EHMT1: variants seen among roughly 807,000 people sequenced by gnomAD.
The protein encoded by EHMT1 is euchromatic histone lysine methyltransferase 1, also known as histone-lysine N-methyltransferase EHMT1.
In EHMT1, 15 loss-of-function variants were observed where a neutral mutation model predicts 147.2. The observed-to-expected ratio is 0.10, with a 90% confidence interval of 0.07 to 0.16. The LOEUF is 0.16. Ranked by LOEUF, EHMT1 falls within the 10% of genes least tolerant of loss-of-function variation. EHMT1 has a pLI of 1.00. For missense variants in EHMT1, 1,587 were observed against 1,772.4 expected, an observed-to-expected ratio of 0.90 and a Z score of 1.88; for synonymous variants, 795 against 709.6, an observed-to-expected ratio of 1.12 and a Z score of -1.91.
intron 4 of EHMT1, among the ~76,000 whole-genome samples, chr9:137,733,821 G>A (rs1156464666): frequency 2.0e-5 from 3 of 152,186 alleles, no homozygotes; most frequent in Non-Finnish European, 4.4e-5. Context: ...AGAAGCAACT[G>A]TGTATATGGG....
intron 1 of EHMT1, among the ~76,000 whole-genome samples, chr9:137,640,817 G>A (rs1214485364): frequency 6.6e-6 from 1 of 152,194 alleles, no homozygotes; most frequent in African/African-American, 2.4e-5. Context: ...AAGAGGTAGA[G>A]ATTCTTTTCA....
chr9:137,780,601 G>GGC (rs1951356712), intron 14 of EHMT1, among the ~76,000 whole-genome samples: 9 of 143,446 alleles, frequency 6.3e-5, no homozygotes, highest in African/African-American at 2.4e-4. Context: ...GTGTGGTGAT[G>GGC]ACGCTGGGAT....
chr9:137,777,156 G>A (rs535543496), intron 12 of EHMT1: 1 of 373,694 alleles, frequency 2.7e-6, no homozygotes, highest in East Asian at 6.1e-5. Context: ...CGATAGACGA[G>A]TGGTGGCTGC....
intron 18 of EHMT1, among the ~76,000 whole-genome samples, chr9:137,810,146 T>G (rs55843443): frequency 2.9e-5 from 2 of 67,902 alleles, no homozygotes; most frequent in East Asian, 6.2e-4. Context: ...ATGCTGCCCC[T>G]CGTGGACTGT....
rs559103976 is a variant in EHMT1 at position 137,800,145 on chromosome 9, G to A, written c.2608-735G>A. Among the ~76,000 whole-genome samples, 4 of 152,330 alleles carry A rather than the reference G, an allele frequency of 2.6e-5. No homozygotes were observed. The East Asian group carries it at 5.8e-4, about 22-fold the overall frequency. On this transcript the variant is annotated intron_variant, in intron 17 of 26. Transcript: ENST00000460843. ...CATTGGGATGTGCAGGTCCTTTGAC[G>A]GGTGCTGGGGAAGAGGCTGAGTCTT...
intron 1 of EHMT1, among the ~76,000 whole-genome samples, chr9:137,663,765 G>A (rs1939332622): frequency 1.3e-5 from 2 of 152,070 alleles, no homozygotes; most frequent in Non-Finnish European, 2.9e-5. Context: ...CCCTTGTAGG[G>A]GAATAACAAT....
intron 4 of EHMT1, among the ~76,000 whole-genome samples, chr9:137,739,752 AG>A (rs1564668125): frequency 6.6e-6 from 1 of 152,222 alleles, no homozygotes; most frequent in Non-Finnish European, 1.5e-5. Flanking sequence ...CCCAGAGTGG[AG>A]GCCCTGCCTT....
At chr9:137,806,617 G>A (rs1281458023) in intron 18 of EHMT1, among the ~76,000 whole-genome samples, 2 of 151,762 alleles carry the variant, frequency 1.3e-5, no homozygotes, top group Admixed American at 6.6e-5. Context: ...TGTGTTTTTA[G>A]TAGAGATGGG....
chr9:137,824,065 C>T (rs1291792505), intron 25 of EHMT1, among the ~76,000 whole-genome samples: 1 of 150,954 alleles, frequency 6.6e-6, no homozygotes, highest in African/African-American at 2.5e-5. Context: ...CCATGTCTAT[C>T]CCAGGATTGT....
chr9:137,833,369 C>T (rs1956356640), intron 25 of EHMT1, among the ~76,000 whole-genome samples: 1 of 152,254 alleles, frequency 6.6e-6, no homozygotes, highest in African/African-American at 2.4e-5. Flanking sequence ...GCCACCCACT[C>T]GGCCCAGTGT....
chr9:137,717,850 G>T (rs1945502227), intron 3 of EHMT1, among the ~76,000 whole-genome samples: 1 of 152,188 alleles, frequency 6.6e-6, no homozygotes, highest in Non-Finnish European at 1.5e-5. Flanking sequence ...GAAGTGAATA[G>T]AAATGAACTT....
rs989019881 is a variant in EHMT1, at chr9:137,800,660, C to T, written c.2608-220C>T. On this transcript the variant is annotated intron_variant, in intron 17 of 26. Coordinates refer to ENST00000460843, the MANE Select transcript of EHMT1 (RefSeq NM_024757.5). Reference sequence around the variant, plus strand: ...GTCGGGCAGGGTTGTTGGGCCTGGGCCAGTCCTGGTTCTGCCTTCATCCTG... The same window carrying T: ...GTCGGGCAGGGTTGTTGGGCCTGGGTCAGTCCTGGTTCTGCCTTCATCCTG... 8.5e-6 allele frequency: 5 copies of T among 587,888 alleles called. No individual in the cohort carries two copies. The African/African-American group carries it at 9.3e-5, about 11-fold the overall frequency. The allele number at this position is 587,888 out of a possible 1,614,324, so 36.4% of individuals were successfully genotyped here. A position where few individuals can be genotyped will look rare whatever the true frequency, so the allele number is the denominator to read the frequency against.
Position 137,782,229 on chromosome 9 carries a change from A to G in EHMT1, c.2276-62A>G, listed in dbSNP as rs1008360695. ...GTGAGTGCTTGCCAGCCATCGTGAC[A>G]GTCCTGAGCTGGAGTCTGTGGCTAC... On this transcript the variant is annotated intron_variant, in intron 14 of 26. Coordinates refer to ENST00000460843, the MANE Select transcript of EHMT1 (RefSeq NM_024757.5). The surrounding 1 kb of genome is among the most constrained non-coding windows in gnomAD (Gnocchi z 5.7). 35 of 1,461,012 alleles carry G rather than the reference A, an allele frequency of 2.4e-5. No individual in the cohort carries two copies. Among genetic ancestry groups the G allele is most frequent in the Non-Finnish European group, 3.2e-5 (34 of 1,058,034 alleles). 90.5% of individuals were successfully genotyped at this position (1,461,012 alleles called of 1,614,324 possible). A position where few individuals can be genotyped will look rare whatever the true frequency, so the allele number is the denominator to read the frequency against.
intron 7 of EHMT1, 46 bp downstream of exon 7, chr9:137,752,454 A>T: frequency 6.3e-7 from 1 of 1,593,790 alleles, no homozygotes; most frequent in Non-Finnish European, 8.6e-7. Flanking sequence ...TGTAGAGGAG[A>T]TGCAAAGACA....
intron 10 of EHMT1, among the ~76,000 whole-genome samples, chr9:137,767,841 G>GT (rs1210239934): frequency 6.6e-6 from 1 of 152,104 alleles, no homozygotes; most frequent in Non-Finnish European, 1.5e-5. Flanking sequence ...AAATGCCTCA[G>GT]TGAACATTTC....
At chr9:137,749,918 C>T (rs145715913) in intron 6 of EHMT1, among the ~76,000 whole-genome samples, 324 of 152,330 alleles carry the variant, frequency 2.1e-3, no homozygotes, top group Middle Eastern at 3.4e-3. Context: ...TAGAACATTT[C>T]GATGGTCAGT....
intron 18 of EHMT1, among the ~76,000 whole-genome samples, chr9:137,806,311 T>G (rs1460753470): frequency 2.0e-5 from 3 of 152,030 alleles, no homozygotes; most frequent in African/African-American, 7.3e-5. Context: ...GCTCCTGCCA[T>G]CCCCATCCCT....
chr9:137,702,194 C>T (rs1016758237), intron 1 of EHMT1, among the ~76,000 whole-genome samples: 1 of 152,190 alleles, frequency 6.6e-6, no homozygotes, highest in Non-Finnish European at 1.5e-5. Context: ...TCCCAAAGTG[C>T]TGGGTCCTTC....
chr9:137,709,015 C>T (rs969999755), intron 1 of EHMT1, among the ~76,000 whole-genome samples: 2 of 152,206 alleles, frequency 1.3e-5, no homozygotes, highest in South Asian at 2.1e-4. Flanking sequence ...CACTCTCAGG[C>T]GAGCCCCCCA....
Sources: gnomAD v4.1 joint callset for allele counts (sites outside exome capture counted in the v4.1 genomes callset) on GRCh38, gnomAD v4.1.1 for gene constraint, Gnocchi (gnomAD v3.1) non-coding constraint, MANE v1.5 for transcripts, NCBI Gene and HGNC (gene_info 2026-07-23, HGNC 2026-07-21) for gene names.